The following PLCG2 variants were observed in gnomAD, a reference collection of about 807,000 sequenced individuals.
The protein encoded by PLCG2 is phospholipase C gamma 2.
Under a neutral mutation model 175.6 loss-of-function variants are expected in PLCG2, and 69 were observed. The observed-to-expected ratio is 0.39, with a 90% confidence interval of 0.32 to 0.48. The LOEUF (loss-of-function observed/expected upper bound fraction) is 0.48. PLCG2 is among the 20% of genes least tolerant of loss of function. The pLI, the probability that PLCG2 is intolerant of heterozygous loss-of-function variation, is 0.91. For missense variants in PLCG2, 1,798 were observed against 1,650.9 expected, an observed-to-expected ratio of 1.09 and a Z score of -1.54; for synonymous variants, 827 against 624.0, an observed-to-expected ratio of 1.33 and a Z score of -4.85.
chr16:81,751,496 C>T (rs1909811958), intron 1 of PLCG2, among the ~76,000 whole-genome samples: 1 of 151,926 alleles, frequency 6.6e-6, no homozygotes, highest in Non-Finnish European at 1.5e-5. Flanking sequence ...AGATGGTGGT[C>T]AAAGCATACA....
chr16:81,779,583 C>A (rs1369797449), intron 1 of PLCG2, among the ~76,000 whole-genome samples, 159 bp downstream of exon 1: 1 of 152,008 alleles, frequency 6.6e-6, no homozygotes, highest in Non-Finnish European at 1.5e-5. Context: ...GCCCGCCGTG[C>A]CCGGGGTCCG....
At chr16:81,851,107 C>G (rs1047509445) in intron 2 of PLCG2, among the ~76,000 whole-genome samples, 3 of 152,168 alleles carry the variant, frequency 2.0e-5, no homozygotes, top group African/African-American at 7.2e-5. Flanking sequence ...TACTCTACCC[C>G]ACAAGGTTTA....
At chr16:81,949,542 T>C (rs1911284060) in intron 31 of PLCG2, among the ~76,000 whole-genome samples, 1 of 152,280 alleles carries the variant, frequency 6.6e-6, no homozygotes, top group East Asian at 1.9e-4. Flanking sequence ...TTTCAAGGTA[T>C]GCAATATTTT....
At position 81,833,819 on chromosome 16, in the gene PLCG2, G is replaced by GT. The variant is rs1212987788; in HGVS notation, c.194-20623dup. On this transcript the variant is annotated intron_variant, in intron 2 of 32. Transcript: ENST00000564138. ...TGCCTTGGCCTCCCAAAGTGGTGGGGTTACAAGCATGAGCCACGGCGCCCG... is the reference window on the plus strand; with the variant it reads ...TGCCTTGGCCTCCCAAAGTGGTGGGGTTTACAAGCATGAGCCACGGCGCCCG... 2.0e-5 allele frequency among the ~76,000 whole-genome samples: 3 copies of GT among 152,286 alleles called. No homozygotes were observed. The East Asian group carries it at 5.8e-4, about 29-fold the overall frequency.
At chr16:81,742,159 G>C (rs79129484) in intron 1 of PLCG2, among the ~76,000 whole-genome samples, 1 of 127,248 alleles carries the variant, frequency 7.9e-6, no homozygotes, top group South Asian at 3.1e-4. Flanking sequence ...GGGGGCGGGG[G>C]GGGGGGCGGT....
At chr16:81,812,243 G>C (rs1174725770) in intron 2 of PLCG2, among the ~76,000 whole-genome samples, 2 of 151,916 alleles carry the variant, frequency 1.3e-5, no homozygotes, top group African/African-American at 4.8e-5. Flanking sequence ...TAGAGACGAA[G>C]TTTCACCGTG....
intron 7 of PLCG2, among the ~76,000 whole-genome samples, chr16:81,872,204 C>G (rs1371569769): frequency 1.3e-5 from 2 of 151,972 alleles, no homozygotes; most frequent in East Asian, 3.9e-4. Context: ...GGTGTGCACC[C>G]GTAATCCCAG....
In PLCG2 at chr16:81,836,018, TTCAC is replaced by T. The variant is rs376376988; in HGVS notation, c.194-18425_194-18422del. Among the ~76,000 whole-genome samples the T allele has an allele frequency of 1.2e-4, 18 of 152,294 alleles. No individual in the cohort carries two copies. The South Asian group carries it at 3.7e-3, about 32-fold the overall frequency. ...GACCCTATTTCCAAAGAAGGCCACATTCACACATACCAGGGACTGGACTTCTATG... is the reference window on the plus strand; with the variant it reads ...GACCCTATTTCCAAAGAAGGCCACATACATACCAGGGACTGGACTTCTATG... On this transcript the variant is annotated intron_variant, in intron 2 of 32. Coordinates refer to ENST00000564138, the MANE Select transcript of PLCG2 (RefSeq NM_002661.5).
At chr16:81,927,796 A>G (rs934146479) in intron 23 of PLCG2, among the ~76,000 whole-genome samples, 2 of 152,222 alleles carry the variant, frequency 1.3e-5, no homozygotes, top group African/African-American at 4.8e-5. Flanking sequence ...AAGTCAAGTT[A>G]GAGTTCAACA....
chr16:81,778,024 A>AAAAAAC (rs1910491782), upstream of PLCG2, among the ~76,000 whole-genome samples: 7 of 59,352 alleles, frequency 1.2e-4, no homozygotes, highest in African/African-American at 2.4e-4. Flanking sequence ...CTCAAAAAAA[A>AAAAAAC]AAAAAAACAA....
rs540155775 is a variant in PLCG2 at position 81,894,572 on chromosome 16, C to T, written c.1072+778C>T. ...ACCAAAGGCTCATGGGTGCATTTGG[C>T]TGAGAAAAGGCAACAACCAGCTTGT... On this transcript the variant is annotated intron_variant, in intron 12 of 32. Transcript: ENST00000564138. Among the ~76,000 whole-genome samples, 379 of 152,160 alleles carry T rather than the reference C, an allele frequency of 2.5e-3. 2 individuals carry two copies. The highest frequency in any genetic ancestry group is 8.9e-3 in the African/African-American group (368 of 41,550).
At chr16:81,747,310 A>C (rs1909724804) in intron 1 of PLCG2, among the ~76,000 whole-genome samples, 1 of 152,114 alleles carries the variant, frequency 6.6e-6, no homozygotes, top group Non-Finnish European at 1.5e-5. Context: ...TGAGGCGGGC[A>C]GATCACTTGA....
At chr16:81,811,072 G>T (rs1047924727) in intron 2 of PLCG2, among the ~76,000 whole-genome samples, 1 of 152,138 alleles carries the variant, frequency 6.6e-6, no homozygotes, top group Non-Finnish European at 1.5e-5. Context: ...ACATGAGTGT[G>T]CACTTCCTGG....
At chr16:81,812,834 C>G (rs1379908158) in intron 2 of PLCG2, among the ~76,000 whole-genome samples, 2 of 152,116 alleles carry the variant, frequency 1.3e-5, no homozygotes, top group African/African-American at 4.8e-5. Context: ...TTTTATCCAT[C>G]TTGAGTTAAT....
At chr16:81,816,253 C>G (rs1056874991) in intron 2 of PLCG2, among the ~76,000 whole-genome samples, 8 of 152,048 alleles carry the variant, frequency 5.3e-5, no homozygotes, top group Non-Finnish European at 1.2e-4. Context: ...TGCCTGTAAT[C>G]CCAGCTACTT....
At chr16:81,940,164 G>A in intron 30 of PLCG2, 105 bp downstream of exon 30, 1 of 1,041,606 alleles carries the variant, frequency 9.6e-7, no homozygotes, top group Non-Finnish European at 1.4e-6. Context: ...GGTTTGGATG[G>A]AATCACTGTA....
At chr16:81,886,704 C>G (rs1908383923) in intron 9 of PLCG2, among the ~76,000 whole-genome samples, 1 of 152,180 alleles carries the variant, frequency 6.6e-6, no homozygotes, top group Admixed American at 6.5e-5. Context: ...GGACCACTTA[C>G]TTAATGACTA....
At chr16:81,806,495 G>T (rs1237947930) in intron 2 of PLCG2, among the ~76,000 whole-genome samples, 4 of 152,240 alleles carry the variant, frequency 2.6e-5, no homozygotes, top group African/African-American at 7.2e-5. Context: ...AATCACAGTA[G>T]AACCTTTCTT....
At chr16:81,858,452 G>C (rs963831654) in intron 4 of PLCG2, 96 bp downstream of exon 4, 5 of 813,694 alleles carry the variant, frequency 6.1e-6, no homozygotes, top group African/African-American at 1.7e-5. Flanking sequence ...AAAAAAAAAA[G>C]GGACATTGGT....
Sources: allele counts gnomAD v4.1 joint callset (sites outside exome capture counted in the v4.1 genomes callset), GRCh38; gene constraint gnomAD v4.1.1; transcripts MANE v1.5; gene names NCBI Gene and HGNC (gene_info 2026-07-23, HGNC 2026-07-21).